Variants in NUP85 observed in about 807,000 individuals in gnomAD.
NUP85 encodes the protein nuclear pore complex protein Nup85.
Under a neutral mutation model 92.8 loss-of-function variants are expected in NUP85, and 23 were observed. The ratio of observed to expected loss-of-function variants is 0.25; its 90% CI spans 0.18 to 0.35. The LOEUF is 0.35. Ranked by LOEUF, NUP85 falls within the 10% of genes least tolerant of loss-of-function variation. The pLI, the probability that NUP85 is intolerant of heterozygous loss-of-function variation, is 1.00. For synonymous variants in NUP85, 314 were observed against 306.9 expected (o/e 1.02, Z -0.24); for missense variants, 759 against 822.8 (o/e 0.92, Z 0.95).
At position 75,213,085 on chromosome 17, in the gene NUP85, A is replaced by G; in HGVS notation, c.371A>G (p.Lys124Arg). The G allele has an allele frequency of 1.9e-6, 3 of 1,613,468 alleles. No individual in the cohort carries two copies. The highest frequency in any genetic ancestry group is 2.5e-6 in the Non-Finnish European group (3 of 1,179,764). Residue 124 changes from lysine to arginine, a missense_variant, in exon 5 of 19, where the codon AAA (lysine) becomes AGA (arginine). Coordinates refer to ENST00000245544, the MANE Select transcript of NUP85 (RefSeq NM_024844.5). ...EEMHQVAIAA[K>R]DPANGRQFSS... Reference sequence around the variant, plus strand: ...TTTTGTGTTTTGTTAGTTGCTGCTAAAGATCCAGCCAATGGCCGCCAGTTC... The same window carrying G: ...TTTTGTGTTTTGTTAGTTGCTGCTAGAGATCCAGCCAATGGCCGCCAGTTC...
chr17:75,234,915 C>T (rs770210906), intron 17 of NUP85, 127 bp downstream of exon 17: 12 of 1,239,708 alleles, frequency 9.7e-6, no homozygotes, highest in Middle Eastern at 3.7e-4. Flanking sequence ...TTCCCCTTAG[C>T]GCCCTCTCTG....
At chr17:75,233,201 G>T in intron 16 of NUP85, 43 bp downstream of exon 16, 1 of 1,547,590 alleles carries the variant, frequency 6.5e-7, no homozygotes, top group South Asian at 1.1e-5. Flanking sequence ...GGCACAAGTG[G>T]GTAGTTGGGG....
intron 2 of NUP85, 133 bp downstream of exon 2, chr17:75,208,753 G>T: frequency 2.9e-6 from 2 of 689,834 alleles, no homozygotes; most frequent in South Asian, 3.2e-5. Context: ...TCTCTATTTT[G>T]TTTTCAAGAT....
intron 16 of NUP85, among the ~76,000 whole-genome samples, chr17:75,233,659 C>T (rs1187390231): frequency 6.0e-5 from 9 of 149,974 alleles, no homozygotes; most frequent in Non-Finnish European, 1.3e-4. Context: ...AGTGCAGTGG[C>T]GTGATCTCGG....
At chr17:75,227,492 C>T (rs369754578) in intron 11 of NUP85, among the ~76,000 whole-genome samples, 107 of 151,988 alleles carry the variant, frequency 7.0e-4, no homozygotes, top group Non-Finnish European at 1.4e-3. Context: ...TCCGTCACCA[C>T]GCCCAGCAAA....
chr17:75,207,437 A>G (rs555043424), intron 1 of NUP85, among the ~76,000 whole-genome samples: 1 of 151,684 alleles, frequency 6.6e-6, no homozygotes, highest in African/African-American at 2.4e-5. Flanking sequence ...TGCCGGCCTC[A>G]GTCTCCCAAA....
rs1007667 is a variant in NUP85, at chr17:75,231,687, C to G, written c.1244+49C>G. On this transcript the variant is annotated intron_variant, in intron 13 of 18. Transcript: ENST00000245544. The surrounding 1 kb of genome is among the most constrained non-coding windows in gnomAD (Gnocchi z 4.6). Reference sequence around the variant, plus strand: ...GGCTATGCGGGTGCTCTTCAGCATGCGGGTGCCATTGGAGCTTGGACTGTT... The same window carrying G: ...GGCTATGCGGGTGCTCTTCAGCATGGGGGTGCCATTGGAGCTTGGACTGTT... The G allele has an allele frequency of 1.3e-6, 2 of 1,589,758 alleles. No homozygotes were observed. The highest frequency in any genetic ancestry group is 1.7e-6 in the Non-Finnish European group (2 of 1,172,420).
In NUP85 at chr17:75,232,868, A is replaced by T. The variant is rs982808612; in HGVS notation, c.1414A>T (p.Ile472Phe). ...CTGCAAAGTTCGCAGCATTTGTAAG[A>T]TCTTAGCCATGAAAGCCGTCCGCAA... ...MTEQVRSICK[I>F]LAMKAVRNNR... The change falls in exon 15 of 19, where the codon ATC becomes TTC. Residue 472 changes from isoleucine to phenylalanine, a missense_variant. Coordinates refer to ENST00000245544, the MANE Select transcript of NUP85 (RefSeq NM_024844.5). 1.2e-6 allele frequency: 2 copies of T among 1,614,034 alleles called. No individual in the cohort carries two copies. Among genetic ancestry groups the T allele is most frequent in the South Asian group, 1.1e-5 (1 of 91,090 alleles).
Position 75,215,790 on chromosome 17 carries a change from C to T in NUP85, c.442C>T (p.Leu148=), listed in dbSNP as rs1288996231. 2 of 1,613,938 alleles carry T rather than the reference C, an allele frequency of 1.2e-6. No homozygotes were observed. The highest frequency in any genetic ancestry group is 1.7e-5 in the Admixed American group (1 of 59,978). Residue 148 remains leucine (L), a synonymous_variant, in exon 6 of 19, where the codon CTG becomes TTG. Transcript: ENST00000245544. ...GTCAGCAATGGAGCTCATCTGGAAC[C>T]TGTGTGAGATTCTTTTTATTGAAGT... is the stretch of plus-strand genomic sequence containing the variant. ...ILSAMELIWN[L]CEILFIEVAP...
In NUP85 at chr17:75,209,805, T is replaced by A; in HGVS notation, c.128-18T>A. 2 of 1,569,784 alleles carry A rather than the reference T, an allele frequency of 1.3e-6. No homozygotes were observed. Among genetic ancestry groups the A allele is most frequent in the East Asian group, 4.6e-5 (2 of 43,546 alleles). ...GATCATAATAGATGTTAAATTTTTTTTTTCTGTTTGGTTTCAGAAAAATCA... is the reference window on the plus strand; with the variant it reads ...GATCATAATAGATGTTAAATTTTTTATTTCTGTTTGGTTTCAGAAAAATCA... On this transcript the variant is annotated intron_variant, in intron 2 of 18. Coordinates refer to ENST00000245544, the MANE Select transcript of NUP85 (RefSeq NM_024844.5).
At chr17:75,227,625 GC>G (rs2075869753) in intron 11 of NUP85, among the ~76,000 whole-genome samples, 1 of 151,032 alleles carries the variant, frequency 6.6e-6, no homozygotes. Context: ...ACAGGCGTGA[GC>G]CACCGCGCCC....
intron 11 of NUP85, among the ~76,000 whole-genome samples, chr17:75,226,517 G>T (rs1179122907): frequency 2.0e-5 from 3 of 152,084 alleles, no homozygotes; most frequent in African/African-American, 7.2e-5. Flanking sequence ...TCACATTCAT[G>T]AGGGAGGATG....
intron 3 of NUP85, 123 bp downstream of exon 3, chr17:75,210,108 G>T: frequency 2.2e-6 from 2 of 909,956 alleles, no homozygotes; most frequent in Non-Finnish European, 3.3e-6. Flanking sequence ...CCTGGTTCTA[G>T]TTGAGGCATG....
Position 75,207,185 on chromosome 17 carries a change from CT to C in NUP85, c.34-1332del, listed in dbSNP as rs201447114. ...GCTCTCTGGGGAGATATGTGGCCTT[CT>C]TTTTTTTTTCTCTTGAGGCGGAGTT... On this transcript the variant is annotated intron_variant, in intron 1 of 18. Transcript: ENST00000245544. Among the ~76,000 whole-genome samples, 847 of 147,218 alleles carry C rather than the reference CT, an allele frequency of 5.8e-3. 7 individuals carry two copies. Among genetic ancestry groups the C allele is most frequent in the African/African-American group, 0.02 (793 of 40,206 alleles).
intron 7 of NUP85, 78 bp downstream of exon 7, chr17:75,218,384 A>G: frequency 6.4e-7 from 1 of 1,569,938 alleles, no homozygotes; most frequent in Non-Finnish European, 8.7e-7. Context: ...GAGGACACCC[A>G]CTGAGCCTCC....
rs770902391 is a variant in NUP85 at position 75,235,581 on chromosome 17, G to A, written c.1873G>A (p.Asp625Asn). 41 of 1,612,740 alleles carry A rather than the reference G, an allele frequency of 2.5e-5. No individual in the cohort carries two copies. Among genetic ancestry groups the A allele is most frequent in the Non-Finnish European group, 3.5e-5 (41 of 1,178,874 alleles). Reference sequence around the variant, plus strand: ...GCTGGCGCTCTCTGCTTTGCAGGATGATGACATAGAGACCACCAAGGTGGA... The same window carrying A: ...GCTGGCGCTCTCTGCTTTGCAGGATAATGACATAGAGACCACCAAGGTGGA... ...GESDTEQLQD[D>N]DIETTKVEML... The change falls in exon 19 of 19, where the codon GAT becomes AAT. Residue 625 changes from aspartate (D) to asparagine (N), a missense_variant. Physicochemically the swap from Asp to Asn is conservative, Grantham distance 23 (BLOSUM62 1). Coordinates refer to ENST00000245544, the MANE Select transcript of NUP85 (RefSeq NM_024844.5).
chr17:75,218,938 G>A lies in NUP85; in HGVS notation c.597+632G>A, dbSNP rs190494986. On this transcript the variant is annotated intron_variant, in intron 7 of 18. Transcript: ENST00000245544. Reference sequence around the variant, plus strand: ...AATGATATAAAACCAATTGACAGGGGCTGGGGTGCATACAGGGTTGGATGT... The same window carrying A: ...AATGATATAAAACCAATTGACAGGGACTGGGGTGCATACAGGGTTGGATGT... Among the ~76,000 whole-genome samples, 5 of 152,142 alleles carry A rather than the reference G, an allele frequency of 3.3e-5. 1 individual carries two copies. In the South Asian group the frequency reaches 1.0e-3, roughly 32 times the overall value.
rs878902930 is a variant in NUP85 at position 75,234,531 on chromosome 17, T to G, written c.1616-106T>G. 1.4e-3 allele frequency: 1,551 copies of G among 1,096,382 alleles called. 1 individual carries two copies. Among genetic ancestry groups the G allele is most frequent in the Admixed American group, 6.9e-3 (341 of 49,314 alleles). 67.9% of individuals were successfully genotyped at this position (1,096,382 alleles called of 1,614,324 possible). A position where few individuals can be genotyped will look rare whatever the true frequency, so the allele number is the denominator to read the frequency against. Reference sequence around the variant, plus strand: ...ATCTCCTGCTTTGTGGAGTGGCTGGTCTGAGGTTTTTCTTCTCCTGTTTAG... The same window carrying G: ...ATCTCCTGCTTTGTGGAGTGGCTGGGCTGAGGTTTTTCTTCTCCTGTTTAG... On this transcript the variant is annotated intron_variant, in intron 16 of 18. Coordinates refer to ENST00000245544, the MANE Select transcript of NUP85 (RefSeq NM_024844.5).
In NUP85 at chr17:75,235,624, T is replaced by G; in HGVS notation, c.1916T>G (p.Leu639Arg). Reference protein sequence around the residue: ...TTKVEMLRLSLARNLARAIIR... With the variant: ...TTKVEMLRLSRARNLARAIIR... ...AAGGTGGAAATGCTGAGACTTTCTC[T>G]GGCACGAAATCTTGCTCGGGCAATT... Residue 639 changes from leucine to arginine, a missense_variant, in exon 19 of 19, where the codon CTG (leucine) becomes CGG (arginine). Leu to Arg is a moderately radical substitution (Grantham distance 102, BLOSUM62 -2). Transcript: ENST00000245544. 6.2e-7 allele frequency: 1 copy of G among 1,614,188 alleles called. No individual in the cohort carries two copies. The highest frequency in any genetic ancestry group is 8.5e-7 in the Non-Finnish European group (1 of 1,179,988).
Sources: gnomAD v4.1 joint callset for allele counts (sites outside exome capture counted in the v4.1 genomes callset) on GRCh38, gnomAD v4.1.1 for gene constraint, Gnocchi (gnomAD v3.1) non-coding constraint, MANE v1.5 for transcripts, NCBI Gene and HGNC (gene_info 2026-07-23, HGNC 2026-07-21) for gene names.